Variants in UNC13A observed in about 807,000 individuals in gnomAD.
UNC13A encodes protein unc-13 homolog A.
In UNC13A, 61 loss-of-function variants were observed where a neutral mutation model predicts 219.7. The observed-to-expected ratio is 0.28, with a 90% CI of 0.23 to 0.34. The LOEUF is 0.34. Among genes scored for constraint, UNC13A ranks in the 10% least tolerant of loss-of-function variants. The pLI is 1.00. For missense variants in UNC13A, 1,476 were observed against 2,270.3 expected (o/e 0.65, Z 7.11); for synonymous variants, 920 against 884.6 (o/e 1.04, Z -0.71).
intron 31 of UNC13A, 79 bp downstream of exon 31, chr19:17,629,161 G>A: frequency 7.7e-7 from 1 of 1,294,554 alleles, no homozygotes; most frequent in South Asian, 1.3e-5. Context: ...CCAGGTGTCA[G>A]GGCCCTGGGG....
At position 17,627,120 on chromosome 19, in the gene UNC13A, C is replaced by T. The variant is rs1369314485; in HGVS notation, c.3921-335G>A. Among the ~76,000 whole-genome samples the T allele has an allele frequency of 2.0e-5, 3 of 151,638 alleles. No homozygotes were observed. Among genetic ancestry groups the T allele is most frequent in the African/African-American group, 4.8e-5 (2 of 41,256 alleles). On this transcript the variant is annotated intron_variant, in intron 33 of 43. Transcript: ENST00000519716. This position sits in a 1 kb window ranked among gnomAD's most constrained non-coding sequence, Gnocchi z 4.7. ...AGTGGAGGGTGCAGTGAGCCGAGAT[C>T]GCGCCACTGCACTCCAGCCTGGTGA...
At chr19:17,647,561 C>G in intron 16 of UNC13A, 69 bp from the exon 17 acceptor site, 1 of 1,460,918 alleles carries the variant, frequency 6.8e-7, no homozygotes, top group Non-Finnish European at 9.3e-7. Flanking sequence ...AAGGCGAGAG[C>G]CCCGCCCCTA....
At chr19:17,637,380 C>T (rs1337332264) in intron 25 of UNC13A, among the ~76,000 whole-genome samples, 1 of 151,664 alleles carries the variant, frequency 6.6e-6, no homozygotes, top group African/African-American at 2.4e-5. Flanking sequence ...TCACTGCAAG[C>T]TCTGCCTCCC....
chr19:17,649,306 A>G lies in UNC13A; in HGVS notation c.1524+33T>C, dbSNP rs2079300769. The G allele has an allele frequency of 6.4e-7, 1 of 1,564,230 alleles. No individual in the cohort carries two copies. The highest frequency in any genetic ancestry group is 1.2e-5 in the South Asian group (1 of 86,302). On this transcript the variant is annotated intron_variant, in intron 14 of 43. Coordinates refer to ENST00000519716, the MANE Select transcript of UNC13A (RefSeq NM_001080421.3). The surrounding 1 kb of genome is among the most constrained non-coding windows in gnomAD (Gnocchi z 4.4). ...ATCCCAGTGGGGGAGTTTGGGGAGA[A>G]GATCCCAAGAGGCCCATGTCGCCAT...
chr19:17,662,313 T>C (rs1390488812), intron 8 of UNC13A, among the ~76,000 whole-genome samples: 3 of 151,654 alleles, frequency 2.0e-5, no homozygotes, highest in Admixed American at 6.6e-5. Flanking sequence ...GGGATCTAGG[T>C]TGTGTGCTCC....
At chr19:17,648,784 T>A in intron 15 of UNC13A, 128 bp downstream of exon 15, 3 of 1,481,752 alleles carry the variant, frequency 2.0e-6, no homozygotes, top group Non-Finnish European at 2.8e-6. Flanking sequence ...GAATCCACGC[T>A]GCCTTCTGCC....
chr19:17,648,752 C>G, intron 15 of UNC13A, 102 bp from the exon 16 acceptor site: 13 of 1,512,524 alleles, frequency 8.6e-6, no homozygotes, highest in Non-Finnish European at 1.1e-5. Flanking sequence ...GTCCCAGGCC[C>G]TCCCCTGCCT....
rs891523683 is a variant in UNC13A, at chr19:17,656,265, A to G, written c.901T>C (p.Tyr301His). 2 of 1,551,818 alleles carry G rather than the reference A, an allele frequency of 1.3e-6. No individual in the cohort carries two copies. Among genetic ancestry groups the G allele is most frequent in the Non-Finnish European group, 1.7e-6 (2 of 1,147,124 alleles). The change falls in exon 10 of 44, where the codon TAC (tyrosine) becomes CAC (histidine). Residue 301 changes from tyrosine to histidine, a missense_variant. Coordinates refer to ENST00000519716, the MANE Select transcript of UNC13A (RefSeq NM_001080421.3). Reference sequence around the variant, plus strand: ...CTGACCGAGCTGTGGCAGGAGTGGTAGGAGTCCCGGTCCCGCTCATCCTCC... The same window carrying G: ...CTGACCGAGCTGTGGCAGGAGTGGTGGGAGTCCCGGTCCCGCTCATCCTCC... Reference protein sequence around the residue: ...DMEDERDRDSYHSCHSSVSYH... With the variant: ...DMEDERDRDSHHSCHSSVSYH...
chr19:17,650,933 ATTTTT>A (rs34451347), intron 12 of UNC13A, among the ~76,000 whole-genome samples: 19,894 of 128,278 alleles, frequency 0.16, 2,000 homozygotes, highest in African/African-American at 0.32. Flanking sequence ...CACCCAGCAA[ATTTTT>A]TTTTTTTTTT....
chr19:17,628,000 ACCCACC>A lies in UNC13A; in HGVS notation c.3754-66_3754-61del, dbSNP rs2076801822. On this transcript the variant is annotated intron_variant, in intron 31 of 43. Coordinates refer to ENST00000519716, the MANE Select transcript of UNC13A (RefSeq NM_001080421.3). The surrounding 1 kb of genome is among the most constrained non-coding windows in gnomAD (Gnocchi z 4.7). Reference sequence around the variant, plus strand: ...AGGACCTCTCCCCAGAGCCTCCCCTACCCACCGCCAGGGACCTTGGGATGGTTTCAG... The same window carrying A: ...AGGACCTCTCCCCAGAGCCTCCCCTAGCCAGGGACCTTGGGATGGTTTCAG... 1.3e-6 allele frequency: 2 copies of A among 1,494,412 alleles called. No homozygotes were observed. Among genetic ancestry groups the A allele is most frequent in the Non-Finnish European group, 1.8e-6 (2 of 1,092,540 alleles). 92.6% of individuals were successfully genotyped at this position (1,494,412 alleles called of 1,614,324 possible).
chr19:17,652,605 C>T, intron 12 of UNC13A, 26 bp downstream of exon 12: 2 of 1,613,776 alleles, frequency 1.2e-6, no homozygotes, highest in Non-Finnish European at 8.5e-7. Context: ...AATCTTCCTC[C>T]CACCGCTCAC....
chr19:17,665,946 T>G (rs568487496), intron 7 of UNC13A, among the ~76,000 whole-genome samples: 225 of 137,682 alleles, frequency 1.6e-3, no homozygotes, highest in Non-Finnish European at 3.1e-3. Flanking sequence ...AGAGGGACAC[T>G]GGCCTGCCCA....
At position 17,649,509 on chromosome 19, in the gene UNC13A, C is replaced by T. The variant is rs1345585125; in HGVS notation, c.1518G>A (p.Leu506=). 6.2e-7 allele frequency: 1 copy of T among 1,613,920 alleles called. No individual in the cohort carries two copies. The highest frequency in any genetic ancestry group is 1.1e-5 in the South Asian group (1 of 91,086). Residue 506 remains leucine (L), a splice_region_variant and synonymous_variant, in exon 13 of 44, where the codon TTG becomes TTA. Coordinates refer to ENST00000519716, the MANE Select transcript of UNC13A (RefSeq NM_001080421.3). This position sits in a 1 kb window ranked among gnomAD's most constrained non-coding sequence, Gnocchi z 4.4. ...KRKPIPLVSD[L]AMSLVQSRKA... is the part of the protein sequence containing the mutation. ...GGGAGTAAAGGGCGAGGGTGCTTAC[C>T]AAGTCGCTCACGAGTGGGATAGGTT...
At position 17,606,153 on chromosome 19, in the gene UNC13A, G is replaced by T; in HGVS notation, c.5013C>A (p.Ile1671=). ...MDDTGLTVLR[I]LSQRSNDEVA... ...CCTCGTCGTTGCTGCGCTGCGAGAG[G>T]ATTCGCAGCACCGTGAGGCCCGTGT... The change falls in exon 44 of 44, where the codon ATC becomes ATA. Residue 1671 remains isoleucine (I), a synonymous_variant. Coordinates refer to ENST00000519716, the MANE Select transcript of UNC13A (RefSeq NM_001080421.3). The T allele has an allele frequency of 6.3e-7, 1 of 1,586,490 alleles. No individual in the cohort carries two copies. Among genetic ancestry groups the T allele is most frequent in the Non-Finnish European group, 8.6e-7 (1 of 1,168,128 alleles).
intron 5 of UNC13A, 92 bp from the exon 6 acceptor site, chr19:17,668,282 G>C: frequency 2.4e-6 from 3 of 1,262,408 alleles, no homozygotes; most frequent in Admixed American, 4.1e-5. Context: ...CCGGGCCCTG[G>C]CTTCTGGGGT....
Position 17,663,679 on chromosome 19 carries a change from G to A in UNC13A, c.524-112C>T, listed in dbSNP as rs1036927032. 8 of 1,088,852 alleles carry A rather than the reference G, an allele frequency of 7.3e-6. No homozygotes were observed. The Admixed American group carries it at 1.6e-4, about 22-fold the overall frequency. The allele number at this position is 1,088,852 out of a possible 1,614,324, so 67.4% of individuals were successfully genotyped here. A position where few individuals can be genotyped will look rare whatever the true frequency, so the allele number is the denominator to read the frequency against. On this transcript the variant is annotated intron_variant, in intron 7 of 43. Transcript: ENST00000519716. Reference sequence around the variant, plus strand: ...CCCAACTGCTCCCCCCACCCCAAAAGTCCCTCTTGTCCTGAGTACCTTCCC... The same window carrying A: ...CCCAACTGCTCCCCCCACCCCAAAAATCCCTCTTGTCCTGAGTACCTTCCC...
intron 22 of UNC13A, 73 bp downstream of exon 22, chr19:17,640,438 G>T (rs2076956276): frequency 6.8e-7 from 1 of 1,480,684 alleles, no homozygotes; most frequent in African/African-American, 1.4e-5. Context: ...TGGGGACCCA[G>T]AAGTCACATC....
chr19:17,652,539 C>T lies in UNC13A; in HGVS notation c.1439+92G>A, dbSNP rs531005959. On this transcript the variant is annotated intron_variant, in intron 12 of 43. Coordinates refer to ENST00000519716, the MANE Select transcript of UNC13A (RefSeq NM_001080421.3). ...TGTCCCCTGTCTAAATGGAACCCCT[C>T]CTCCTCCTCTCTGGGCTGAGGCTCA... is the stretch of plus-strand genomic sequence containing the variant. 16 of 1,539,966 alleles carry T rather than the reference C, an allele frequency of 1.0e-5. No individual in the cohort carries two copies. The African/African-American group carries it at 1.6e-4, about 16-fold the overall frequency.
chr19:17,607,465 G>GC (rs932234236), intron 43 of UNC13A, among the ~76,000 whole-genome samples: 5 of 137,846 alleles, frequency 3.6e-5, no homozygotes, highest in Admixed American at 2.1e-4. Flanking sequence ...GGTGGCGGGG[G>GC]GGGGGGTCTC....
Sources: gnomAD v4.1 joint callset for allele counts (sites outside exome capture counted in the v4.1 genomes callset) on GRCh38, gnomAD v4.1.1 for gene constraint, Gnocchi (gnomAD v3.1) non-coding constraint, MANE v1.5 for transcripts, NCBI Gene and HGNC (gene_info 2026-07-23, HGNC 2026-07-21) for gene names.